The following PAH variants were observed in gnomAD, a reference collection of about 807,000 sequenced individuals.
PAH encodes the protein phenylalanine-4-hydroxylase.
In PAH, 64 loss-of-function variants were observed where a neutral mutation model predicts 62.0. The ratio of observed to expected loss-of-function variants is 1.03; its 90% CI spans 0.84 to 1.27. The LOEUF is 1.27. Ranked by LOEUF, PAH falls within the 50% of genes most tolerant of loss-of-function variation. The pLI, the probability that PAH is intolerant of heterozygous loss-of-function variation, is 0.00. For missense variants in PAH, 579 were observed against 542.8 expected, an observed-to-expected ratio of 1.07 and a Z score of -0.66; for synonymous variants, 195 against 196.2, an observed-to-expected ratio of 0.99 and a Z score of 0.05.
intron 3 of PAH, among the ~76,000 whole-genome samples, chr12:102,885,437 C>T (rs910085720): frequency 2.0e-5 from 3 of 152,172 alleles, no homozygotes; most frequent in Non-Finnish European, 2.9e-5. Context: ...ACAGCCTCTC[C>T]GGCGGGCGGC....
chr12:102,855,525 AT>A (rs1243242809), intron 5 of PAH, among the ~76,000 whole-genome samples, 193 bp from the exon 6 acceptor site: 4 of 152,174 alleles, frequency 2.6e-5, no homozygotes, highest in African/African-American at 9.7e-5. Flanking sequence ...GATTTCCCAC[AT>A]GAAAGGGTGA....
At chr12:102,931,277 C>T (rs7304016) in intron 1 of PAH, among the ~76,000 whole-genome samples, 4,803 of 152,064 alleles carry the variant, frequency 0.032, 261 homozygotes, top group African/African-American at 0.11. Context: ...TTGTAGGTAC[C>T]CCCACACAGG....
chr12:102,941,102 T>C, intron 1 of PAH, among the ~76,000 whole-genome samples: 1 of 152,110 alleles, frequency 6.6e-6, no homozygotes, highest in Non-Finnish European at 1.5e-5. Context: ...GAAATAAAAC[T>C]CTTTTCAGAC....
chr12:102,878,112 A>G (rs1876654347), intron 3 of PAH, among the ~76,000 whole-genome samples: 1 of 152,212 alleles, frequency 6.6e-6, no homozygotes, highest in African/African-American at 2.4e-5. Flanking sequence ...GGCATGAGCC[A>G]CTGCGTCCGG....
chr12:102,866,287 C>T (rs748887495), intron 5 of PAH, among the ~76,000 whole-genome samples: 7 of 152,046 alleles, frequency 4.6e-5, no homozygotes, highest in Admixed American at 4.6e-4. Context: ...TATTCAGGAC[C>T]GAGGCCTTTT....
Position 102,915,810 on chromosome 12 carries a change from T to C in PAH, c.60+1261A>G, listed in dbSNP as rs1878358639. On this transcript the variant is annotated intron_variant, in intron 1 of 12. Transcript: ENST00000553106. The stretch of plus-strand genomic sequence containing the variant: ...AGAAAATTTTGGAACCATTGATATA[T>C]ATACAGCCTATTTTTTTAATTATAA... Among the ~76,000 whole-genome samples the C allele has an allele frequency of 2.1e-5, 3 of 140,660 alleles. No homozygotes were observed. The South Asian group carries it at 6.7e-4, about 31-fold the overall frequency. 92.3% of individuals were successfully genotyped at this position (140,660 alleles called of 152,430 possible).
At position 102,958,194 on chromosome 12, in the gene PAH, C is replaced by T; in HGVS notation, c.-96+1G>A. ...CTGTGTCCCCCTCGCGGGCCCCGCA[C>T]CTCGCGTCCCGGATCGCTCTGATTC... On this transcript the variant is annotated splice_donor_variant, in intron 1 of 4. Coordinates refer to the PAH transcript ENST00000551337. LOFTEE classifies it low-confidence loss of function (5UTR_SPLICE). 1 of 1,393,286 alleles carries T rather than the reference C, an allele frequency of 7.2e-7. No homozygotes were observed. The highest frequency in any genetic ancestry group is 9.3e-7 in the Non-Finnish European group (1 of 1,070,190). 86.3% of individuals were successfully genotyped at this position (1,393,286 alleles called of 1,614,324 possible). A position where few individuals can be genotyped will look rare whatever the true frequency, so the allele number is the denominator to read the frequency against.
Position 102,840,512 on chromosome 12 carries a change from G to A in PAH, c.1203C>T (p.Asn401=). ...SFNDAKEKVR[N]FAATIPRPFS... Reference sequence around the variant, plus strand: ...AGGGCCGAGGTATTGTGGCAGCAAAGTTCCTAAGACCAAAACCACAGGCTT... The same window carrying A: ...AGGGCCGAGGTATTGTGGCAGCAAAATTCCTAAGACCAAAACCACAGGCTT... The change falls in exon 12 of 13, where the codon AAC becomes AAT. Residue 401 remains asparagine (N), a synonymous_variant. Coordinates refer to ENST00000553106, the MANE Select transcript of PAH (RefSeq NM_000277.3). 1 of 1,612,058 alleles carries A rather than the reference G, an allele frequency of 6.2e-7. No individual in the cohort carries two copies. Among genetic ancestry groups the A allele is most frequent in the Non-Finnish European group, 8.5e-7 (1 of 1,178,184 alleles).
intron 3 of PAH, among the ~76,000 whole-genome samples, chr12:102,880,600 AC>A (rs1876773931): frequency 6.6e-6 from 1 of 152,096 alleles, no homozygotes; most frequent in African/African-American, 2.4e-5. Context: ...TCTTGCTGCA[AC>A]CCCTTCTTAC....
chr12:102,912,754 C>T (rs776813932), intron 2 of PAH, 37 bp downstream of exon 2: 18 of 1,371,634 alleles, frequency 1.3e-5, no homozygotes, highest in South Asian at 2.3e-5. Flanking sequence ...AAGTTTGCTA[C>T]GACATTATCC....
At chr12:102,849,173 A>G (rs1466495124) in intron 8 of PAH, among the ~76,000 whole-genome samples, 2 of 152,186 alleles carry the variant, frequency 1.3e-5, no homozygotes, top group Non-Finnish European at 2.9e-5. Flanking sequence ...AACACACAGG[A>G]TTTTCTGAAA....
chr12:102,868,361 T>A (rs1286880964), intron 4 of PAH, among the ~76,000 whole-genome samples: 3 of 151,564 alleles, frequency 2.0e-5, no homozygotes, highest in African/African-American at 7.3e-5. Context: ...ATTAGTTTAT[T>A]TCCGGGAATA....
chr12:102,941,828 C>T (rs1879302104), intron 1 of PAH, among the ~76,000 whole-genome samples: 3 of 152,090 alleles, frequency 2.0e-5, no homozygotes, highest in African/African-American at 7.2e-5. Context: ...AAAACAAAAA[C>T]CACATGATCT....
chr12:102,890,923 A>T (rs981976594), intron 3 of PAH, among the ~76,000 whole-genome samples: 2 of 152,118 alleles, frequency 1.3e-5, no homozygotes, highest in Non-Finnish European at 2.9e-5. Context: ...TCTCTACTAA[A>T]AATATAAAAA....
chr12:102,883,539 T>G (rs930436795), intron 3 of PAH, among the ~76,000 whole-genome samples: 2 of 152,208 alleles, frequency 1.3e-5, no homozygotes, highest in African/African-American at 4.8e-5. Flanking sequence ...ACAAAAAATT[T>G]GAAGAACTTG....
At chr12:102,897,069 T>G in intron 2 of PAH, among the ~76,000 whole-genome samples, 1 of 152,210 alleles carries the variant, frequency 6.6e-6, no homozygotes, top group East Asian at 1.9e-4. Context: ...TTTTGCCTAC[T>G]TGTCTAACTG....
chr12:102,945,559 G>C (rs61943190), intron 1 of PAH, among the ~76,000 whole-genome samples: 9,433 of 152,154 alleles, frequency 0.062, 349 homozygotes, highest in Admixed American at 0.1. Flanking sequence ...AAACAGAGGG[G>C]TCTCTCACCC....
intron 1 of PAH, among the ~76,000 whole-genome samples, chr12:102,931,621 T>C (rs34726659): frequency 0.032 from 4,807 of 152,240 alleles, 261 homozygotes; most frequent in African/African-American, 0.11. Context: ...AAGCTCTCCT[T>C]TCATTGCTAC....
At chr12:102,872,180 T>C (rs539791494) in intron 4 of PAH, among the ~76,000 whole-genome samples, 37 of 152,184 alleles carry the variant, frequency 2.4e-4, no homozygotes, top group African/African-American at 8.7e-4. Flanking sequence ...AAATTGTAAG[T>C]TGTTTCTGCC....
Sources: allele counts gnomAD v4.1 joint callset (sites outside exome capture counted in the v4.1 genomes callset), GRCh38; gene constraint gnomAD v4.1.1; transcripts MANE v1.5; gene names NCBI Gene and HGNC (gene_info 2026-07-23, HGNC 2026-07-21).